SLC26A7: variants seen among roughly 807,000 people sequenced by gnomAD.
SLC26A7 encodes the protein anion exchange transporter.
A neutral mutation model predicts 82.5 loss-of-function variants in SLC26A7; 59 were observed. The ratio of observed to expected loss-of-function variants is 0.72; its 90% CI spans 0.58 to 0.89. The LOEUF is 0.89. Ranked by LOEUF, SLC26A7 falls within the 40% of genes least tolerant of loss-of-function variation. The probability of loss-of-function intolerance (pLI) is 0.00; values close to 1 mark genes in which losing one functional copy is unlikely to be tolerated. For synonymous variants in SLC26A7, 271 were observed against 274.3 expected (o/e 0.99, Z 0.12); for missense variants, 820 against 793.0 (o/e 1.03, Z -0.41).
intron 2 of SLC26A7, among the ~76,000 whole-genome samples, chr8:91,272,161 T>G (rs1586347355): frequency 6.6e-6 from 1 of 152,344 alleles, no homozygotes; most frequent in African/African-American, 2.4e-5. Context: ...CCCTTTCATC[T>G]ACCTGATAGT....
At chr8:91,393,075 T>G (rs1166073306) in intron 16 of SLC26A7, among the ~76,000 whole-genome samples, 1 of 152,166 alleles carries the variant, frequency 6.6e-6, no homozygotes. Flanking sequence ...AAATGCACCT[T>G]TCTATATTTT....
rs543910314 is a variant in SLC26A7, at chr8:91,335,385, A to G, written c.795+938A>G. 4.7e-4 allele frequency among the ~76,000 whole-genome samples: 71 copies of G among 152,292 alleles called. 1 individual carries two copies. The highest frequency in any genetic ancestry group is 7.4e-4 in the Non-Finnish European group (50 of 68,002). Reference sequence around the variant, plus strand: ...TGATAATTTGAGATTTATATAACATATGTGATTTATATAATATGTATGTGT... The same window carrying G: ...TGATAATTTGAGATTTATATAACATGTGTGATTTATATAATATGTATGTGT... On this transcript the variant is annotated intron_variant, in intron 6 of 18. Coordinates refer to ENST00000276609, the MANE Select transcript of SLC26A7 (RefSeq NM_052832.4).
intron 4 of SLC26A7, among the ~76,000 whole-genome samples, chr8:91,312,746 A>G (rs1366408000): frequency 1.1e-4 from 17 of 151,864 alleles, no homozygotes; most frequent in Admixed American, 1.1e-3. Flanking sequence ...TCTTAATGAT[A>G]AGTGATGTTG....
At chr8:91,365,020 A>G (rs1288838710) in intron 13 of SLC26A7, among the ~76,000 whole-genome samples, 1 of 148,508 alleles carries the variant, frequency 6.7e-6, no homozygotes, top group Non-Finnish European at 1.5e-5. Flanking sequence ...TCTGTCATTT[A>G]TCTTTTCCAT....
At chr8:91,335,999 C>T (rs541058587) in intron 6 of SLC26A7, among the ~76,000 whole-genome samples, 1 of 152,256 alleles carries the variant, frequency 6.6e-6, no homozygotes, top group South Asian at 2.1e-4. Flanking sequence ...AGGCTCCAAA[C>T]ACATCGCCAC....
At chr8:91,229,762 TC>T (rs1300375859) in intron 2 of SLC26A7, among the ~76,000 whole-genome samples, 1 of 152,222 alleles carries the variant, frequency 6.6e-6, no homozygotes, top group East Asian at 1.9e-4. Context: ...TGTTCTCATG[TC>T]CCTTCCCTGT....
Position 91,343,355 on chromosome 8 carries a change from A to G in SLC26A7, c.1029A>G (p.Glu343=), listed in dbSNP as rs534932046. Residue 343 remains glutamate, a splice_region_variant and synonymous_variant, in exon 9 of 19, where the codon GAA becomes GAG. Coordinates refer to ENST00000276609, the MANE Select transcript of SLC26A7 (RefSeq NM_052832.4). ...KFKYSIDDNQ[E]FLAHGLSNIV... ...ATATTCTCTCATGAATCTTGCAGGA[A>G]TTTTTGGCCCATGGCCTCAGCAATA... 6.3e-7 allele frequency: 1 copy of G among 1,598,892 alleles called. No homozygotes were observed. Among genetic ancestry groups the G allele is most frequent in the African/African-American group, 1.3e-5 (1 of 74,802 alleles).
chr8:91,252,260 T>A (rs901105164), intron 2 of SLC26A7, among the ~76,000 whole-genome samples: 10 of 152,078 alleles, frequency 6.6e-5, no homozygotes, highest in African/African-American at 2.4e-4. Context: ...CTAGTAGTTG[T>A]TTTTCGTTCT....
Position 91,371,396 on chromosome 8 carries a change from C to A in SLC26A7, c.1675+1563C>A, listed in dbSNP as rs866525122. On this transcript the variant is annotated intron_variant, in intron 15 of 18. Transcript: ENST00000276609. ...TTCAACTTTCTCCTCATTTCCTACC[C>A]TCCCTACTTTTGGAGTTCCCAGTGT... 3.7e-4 allele frequency among the ~76,000 whole-genome samples: 56 copies of A among 151,772 alleles called. 1 individual carries two copies. The highest frequency in any genetic ancestry group is 1.4e-3 in the African/African-American group (56 of 41,390).
Position 91,306,788 on chromosome 8 carries a change from TAACCTGGAAC to T in SLC26A7, c.477+11086_477+11095del, listed in dbSNP as rs370952288. ...ACAGTGATGCAATCATAACTCACAG[TAACCTGGAAC>T]TCCAGGGCTCAAGTTATCCTTTCAC... On this transcript the variant is annotated intron_variant, in intron 4 of 18. Coordinates refer to ENST00000276609, the MANE Select transcript of SLC26A7 (RefSeq NM_052832.4). 2.7e-3 allele frequency among the ~76,000 whole-genome samples: 415 copies of T among 151,972 alleles called. 7 individuals are homozygous for T. Among genetic ancestry groups the T allele is most frequent in the South Asian group, 0.027 (129 of 4,806 alleles).
At chr8:91,212,250 TA>T (rs1809941834) in intron 1 of SLC26A7, among the ~76,000 whole-genome samples, 2 of 152,170 alleles carry the variant, frequency 1.3e-5, no homozygotes, top group Admixed American at 6.5e-5. Context: ...AATAGTCTCA[TA>T]AAATTCTTTC....
intron 15 of SLC26A7, among the ~76,000 whole-genome samples, chr8:91,373,675 CT>C (rs1189553899): frequency 6.6e-6 from 1 of 151,852 alleles, no homozygotes; most frequent in Non-Finnish European, 1.5e-5. Context: ...GGATATTGGC[CT>C]TTAGTACTAC....
chr8:91,275,990 A>G (rs1295315440), intron 2 of SLC26A7, among the ~76,000 whole-genome samples: 1 of 152,174 alleles, frequency 6.6e-6, no homozygotes, highest in Non-Finnish European at 1.5e-5. Flanking sequence ...ATCCTCTCTG[A>G]AAATAACTGG....
At chr8:91,384,279 A>T (rs996092842) in intron 15 of SLC26A7, among the ~76,000 whole-genome samples, 5 of 151,982 alleles carry the variant, frequency 3.3e-5, no homozygotes, top group African/African-American at 1.2e-4. Context: ...CTCCATTTGC[A>T]AGCTGCCAGT....
At chr8:91,341,659 T>C (rs575599022) in intron 8 of SLC26A7, among the ~76,000 whole-genome samples, 1 of 152,312 alleles carries the variant, frequency 6.6e-6, no homozygotes, top group South Asian at 2.1e-4. Flanking sequence ...AGACCATGTC[T>C]TTCTTTTACT....
At chr8:91,219,124 A>C in intron 2 of SLC26A7, 1 of 442,956 alleles carries the variant, frequency 2.3e-6, no homozygotes. Flanking sequence ...AAAGGAAGAA[A>C]AATAATTCCA....
At chr8:91,324,475 C>T (rs968302998) in intron 5 of SLC26A7, among the ~76,000 whole-genome samples, 4 of 152,056 alleles carry the variant, frequency 2.6e-5, no homozygotes, top group African/African-American at 7.2e-5. Context: ...CTTAATTGTC[C>T]AACAGAATAA....
At chr8:91,346,631 G>C (rs1346621500) in intron 9 of SLC26A7, among the ~76,000 whole-genome samples, 1 of 152,182 alleles carries the variant, frequency 6.6e-6, no homozygotes, top group Non-Finnish European at 1.5e-5. Context: ...TATTTCTGCA[G>C]AAATGGTATT....
chr8:91,338,135 A>T lies in SLC26A7; in HGVS notation c.796-15A>T. On this transcript the variant is annotated splice_polypyrimidine_tract_variant and intron_variant, in intron 6 of 18. Transcript: ENST00000276609. The stretch of plus-strand genomic sequence containing the variant: ...AATGTATATATTTTTTCTTTTTTCA[A>T]ATGGAACCACACAGATTATTGCTGC... The T allele has an allele frequency of 6.3e-7, 1 of 1,583,844 alleles. No individual in the cohort carries two copies. Among genetic ancestry groups the T allele is most frequent in the Non-Finnish European group, 8.5e-7 (1 of 1,170,258 alleles).
Sources: gnomAD v4.1 joint callset for allele counts (sites outside exome capture counted in the v4.1 genomes callset) on GRCh38, gnomAD v4.1.1 for gene constraint, MANE v1.5 for transcripts, NCBI Gene and HGNC (gene_info 2026-07-23, HGNC 2026-07-21) for gene names.